Variants in TNR observed in about 807,000 individuals in gnomAD.
The protein encoded by TNR is tenascin-R.
Under a neutral mutation model 150.4 loss-of-function variants are expected in TNR, and 45 were observed. The ratio of observed to expected loss-of-function variants is 0.30; its 90% CI spans 0.24 to 0.38. The LOEUF (loss-of-function observed/expected upper bound fraction) is 0.38. Ranked by LOEUF, TNR falls within the 10% of genes least tolerant of loss-of-function variation. The pLI is 1.00. For missense variants in TNR, 1,544 were observed against 1,759.1 expected, an observed-to-expected ratio of 0.88 and a Z score of 2.19; for synonymous variants, 687 against 678.4, an observed-to-expected ratio of 1.01 and a Z score of -0.20.
intron 1 of TNR, among the ~76,000 whole-genome samples, chr1:175,572,325 A>G (rs1210399505): frequency 1.3e-5 from 2 of 152,220 alleles, no homozygotes; most frequent in Non-Finnish European, 2.9e-5. Context: ...TGACATTTAC[A>G]TCTGGAAATA....
chr1:175,590,207 T>C (rs78790400), intron 1 of TNR, among the ~76,000 whole-genome samples: 3,121 of 152,282 alleles, frequency 0.02, 106 homozygotes, highest in African/African-American at 0.07. Flanking sequence ...TGGGAGATGA[T>C]AGATATATTT....
intron 2 of TNR, among the ~76,000 whole-genome samples, chr1:175,417,666 A>G (rs1654561735): frequency 6.6e-6 from 1 of 152,068 alleles, no homozygotes; most frequent in African/African-American, 2.4e-5. Flanking sequence ...GAACATTGAA[A>G]CCCTTTAGAA....
Position 175,366,071 on chromosome 1 carries a change from G to C in TNR, c.2121C>G (p.Thr707=). The change falls in exon 11 of 23, where the codon ACC becomes ACG. Residue 707 remains threonine, a synonymous_variant. Coordinates refer to ENST00000367674, the MANE Select transcript of TNR (RefSeq NM_003285.3). ...AGTGGTCAATGGGGCCACTGGCCTT[G>C]GTCCAGATGAGGGAGATGGAGGTCT... ...SSETSISLIW[T]KASGPIDHYR... 6.2e-7 allele frequency: 1 copy of C among 1,614,040 alleles called. No homozygotes were observed. Among genetic ancestry groups the C allele is most frequent in the Non-Finnish European group, 8.5e-7 (1 of 1,179,954 alleles).
chr1:175,522,476 G>A (rs1199102610), intron 2 of TNR, among the ~76,000 whole-genome samples: 1 of 152,114 alleles, frequency 6.6e-6, no homozygotes, highest in Non-Finnish European at 1.5e-5. Context: ...GGTGATGGGT[G>A]CCCCAAAATC....
chr1:175,691,709 GT>G (rs1326499747), intron 1 of TNR, among the ~76,000 whole-genome samples: 2 of 152,086 alleles, frequency 1.3e-5, no homozygotes, highest in Non-Finnish European at 2.9e-5. Flanking sequence ...GTTAGCTTAG[GT>G]GACAGACAGG....
chr1:175,642,757 C>A (rs1664702965), intron 1 of TNR, among the ~76,000 whole-genome samples: 1 of 152,078 alleles, frequency 6.6e-6, no homozygotes. Context: ...CACAGTGAGA[C>A]CCCATCTTTA....
intron 1 of TNR, among the ~76,000 whole-genome samples, chr1:175,628,634 G>A (rs932424497): frequency 6.6e-6 from 1 of 152,074 alleles, no homozygotes. Flanking sequence ...AGTGTCACTG[G>A]GTTTGAAGCT....
chr1:175,403,043 A>T, intron 4 of TNR, 97 bp downstream of exon 4: 2 of 1,070,808 alleles, frequency 1.9e-6, no homozygotes, highest in South Asian at 1.5e-5. Flanking sequence ...CCTAAACTTC[A>T]CTTTCTCACT....
chr1:175,539,241 A>T (rs1660406213), intron 1 of TNR: 1 of 152,278 alleles, frequency 6.6e-6, no homozygotes, highest in African/African-American at 2.4e-5. Context: ...TAAATTACTG[A>T]TCACTTATTA....
At chr1:175,331,023 T>TTCTTTC (rs1246547368) in intron 20 of TNR, among the ~76,000 whole-genome samples, 18 of 65,788 alleles carry the variant, frequency 2.7e-4, no homozygotes, top group Non-Finnish European at 4.2e-4. Context: ...CTTTCTTTCT[T>TTCTTTC]TCTTTCTTTC....
chr1:175,503,242 A>G (rs1658813411), intron 2 of TNR, among the ~76,000 whole-genome samples: 1 of 152,204 alleles, frequency 6.6e-6, no homozygotes, highest in Non-Finnish European at 1.5e-5. Context: ...TCCAACAGCA[A>G]TGGGCCCTGA....
At chr1:175,695,995 TGGATGGATGGATGGATGGAC>T in intron 1 of TNR, among the ~76,000 whole-genome samples, 1 of 151,434 alleles carries the variant, frequency 6.6e-6, no homozygotes, top group Admixed American at 6.6e-5. Flanking sequence ...TATGGATGGA[TGGATGGATGGATGGATGGAC>T]AGATAGATTA....
At chr1:175,447,111 C>T (rs1459537131) in intron 2 of TNR, among the ~76,000 whole-genome samples, 1 of 152,134 alleles carries the variant, frequency 6.6e-6, no homozygotes, top group Non-Finnish European at 1.5e-5. Context: ...ACCATCCCCA[C>T]ACTGCCCCCG....
At chr1:175,447,375 C>CT (rs1656102866) in intron 2 of TNR, among the ~76,000 whole-genome samples, 1 of 152,098 alleles carries the variant, frequency 6.6e-6, no homozygotes, top group East Asian at 1.9e-4. Context: ...TATTCCTGCT[C>CT]TTTTTTGGAG....
chr1:175,610,149 T>C (rs1437205699), intron 1 of TNR, among the ~76,000 whole-genome samples: 1 of 152,222 alleles, frequency 6.6e-6, no homozygotes, highest in East Asian at 1.9e-4. Flanking sequence ...CTCTGCAGAC[T>C]GTAAGGAATA....
At chr1:175,624,788 G>A (rs1462377453) in intron 1 of TNR, among the ~76,000 whole-genome samples, 1 of 152,182 alleles carries the variant, frequency 6.6e-6, no homozygotes, top group East Asian at 1.9e-4. Flanking sequence ...TCCTGGGGTA[G>A]GGAATGGACA....
At chr1:175,603,903 C>G (rs74127355) in intron 1 of TNR, among the ~76,000 whole-genome samples, 8 of 152,252 alleles carry the variant, frequency 5.3e-5, no homozygotes, top group African/African-American at 1.9e-4. Context: ...GCCTGAGAAA[C>G]GATTCCAGCT....
chr1:175,587,693 C>G (rs965082893), intron 1 of TNR, among the ~76,000 whole-genome samples: 1 of 152,170 alleles, frequency 6.6e-6, no homozygotes, highest in Non-Finnish European at 1.5e-5. Flanking sequence ...AGCCTAGACC[C>G]TACCCCAATA....
intron 18 of TNR, among the ~76,000 whole-genome samples, chr1:175,348,751 T>G (rs964555177): frequency 6.6e-6 from 1 of 152,148 alleles, no homozygotes. Context: ...TATCCTCAAC[T>G]AATACCAGTA....
Sources: allele counts gnomAD v4.1 joint callset (sites outside exome capture counted in the v4.1 genomes callset), GRCh38; gene constraint gnomAD v4.1.1; transcripts MANE v1.5; gene names NCBI Gene and HGNC (gene_info 2026-07-23, HGNC 2026-07-21).